The following KIF27 variants were observed in gnomAD, a reference collection of about 807,000 sequenced individuals.
KIF27 encodes the protein kinesin-like protein KIF27.
Under a neutral mutation model 141.8 loss-of-function variants are expected in KIF27, and 84 were observed. The observed-to-expected ratio is 0.59, with a 90% CI of 0.50 to 0.71. The LOEUF (loss-of-function observed/expected upper bound fraction) is 0.71, where lower values mean the gene tolerates loss of function less well. KIF27 is among the 30% of genes least tolerant of loss of function. KIF27 has a pLI of 0.00. For missense variants in KIF27, 1,306 were observed against 1,628.4 expected (o/e 0.80, Z 3.41); for synonymous variants, 471 against 569.5 (o/e 0.83, Z 2.46).
intron 3 of KIF27, among the ~76,000 whole-genome samples, chr9:83,906,898 T>A (rs1954606094): frequency 6.6e-6 from 1 of 152,006 alleles, no homozygotes; most frequent in African/African-American, 2.4e-5. Context: ...GTCATAAGTA[T>A]GAAAAATATT....
intron 5 of KIF27, among the ~76,000 whole-genome samples, chr9:83,894,669 T>C (rs1259224362): frequency 2.6e-5 from 4 of 152,208 alleles, no homozygotes; most frequent in Admixed American, 1.3e-4. Context: ...CACAACTCAT[T>C]GCTGGGGGAT....
chr9:83,862,995 A>C lies in KIF27; in HGVS notation c.2935-3624T>G, dbSNP rs545503075. ...TCTGTTTGTCTGTTATTGGTGTATA[A>C]AAATGCTTGTGATTTTTGCACACTG... On this transcript the variant is annotated intron_variant, in intron 13 of 17. Transcript: ENST00000297814. Among the ~76,000 whole-genome samples the C allele has an allele frequency of 3.3e-5, 5 of 152,224 alleles. No individual in the cohort carries two copies. In the South Asian group the frequency reaches 1.0e-3, roughly 32 times the overall value.
chr9:83,848,873 G>A (rs1277865075), intron 16 of KIF27: 1 of 152,024 alleles, frequency 6.6e-6, no homozygotes, highest in Non-Finnish European at 1.5e-5. Flanking sequence ...GAGTGCAGTG[G>A]TGTGACCACA....
chr9:83,904,497 T>C (rs1268560138), intron 3 of KIF27, among the ~76,000 whole-genome samples: 4 of 152,024 alleles, frequency 2.6e-5, no homozygotes, highest in African/African-American at 7.3e-5. Flanking sequence ...GCCTCCCGAG[T>C]AGTTGGGATT....
intron 13 of KIF27, among the ~76,000 whole-genome samples, chr9:83,862,397 T>G (rs934759003): frequency 6.6e-6 from 1 of 152,258 alleles, no homozygotes; most frequent in African/African-American, 2.4e-5. Context: ...TACATATGGC[T>G]AGCCAGTTTT....
rs748136129 is a variant in KIF27 at position 83,867,873 on chromosome 9, TA to T, written c.2758-14del. 440 of 1,553,294 alleles carry T rather than the reference TA, an allele frequency of 2.8e-4. 1 individual carries two copies. Among genetic ancestry groups the T allele is most frequent in the Non-Finnish European group, 2.7e-4 (314 of 1,156,136 alleles). On this transcript the variant is annotated splice_polypyrimidine_tract_variant and intron_variant, in intron 12 of 17. Transcript: ENST00000297814. The stretch of plus-strand genomic sequence containing the variant: ...GCTCATCCAATTTCTACATTAAAAT[TA>T]AAAAAAAAGTTACTTGTTTTTCCTT...
At chr9:83,888,319 A>G (rs1250281601) in intron 8 of KIF27, among the ~76,000 whole-genome samples, 170 bp downstream of exon 8, 2 of 152,154 alleles carry the variant, frequency 1.3e-5, no homozygotes, top group Non-Finnish European at 2.9e-5. Context: ...GGAGTAAAAG[A>G]GTAAAAGAGG....
intron 1 of KIF27, among the ~76,000 whole-genome samples, chr9:83,917,514 T>C (rs1036468693): frequency 1.3e-5 from 2 of 152,032 alleles, no homozygotes; most frequent in Non-Finnish European, 1.5e-5. Flanking sequence ...AAAACAATAT[T>C]GAAAAAGAAC....
intron 12 of KIF27, 85 bp from the exon 13 acceptor site, chr9:83,867,945 A>C: frequency 2.3e-6 from 3 of 1,297,774 alleles, no homozygotes; most frequent in Non-Finnish European, 3.1e-6. Context: ...AGATTGGCTG[A>C]AATCTCTTAA....
At chr9:83,857,973 T>TG (rs1949442719) in intron 14 of KIF27, among the ~76,000 whole-genome samples, 1 of 151,360 alleles carries the variant, frequency 6.6e-6, no homozygotes, top group Non-Finnish European at 1.5e-5. Flanking sequence ...TGGGTTTTTT[T>TG]TTTTTTTTTT....
chr9:83,904,079 A>G, intron 3 of KIF27, 61 bp from the exon 4 acceptor site: 3 of 1,339,080 alleles, frequency 2.2e-6, no homozygotes, highest in Non-Finnish European at 3.1e-6. Context: ...TATAGTTAAC[A>G]GTTACCATTT....
chr9:83,869,202 T>C (rs1039287972), intron 12 of KIF27, among the ~76,000 whole-genome samples: 13 of 152,072 alleles, frequency 8.5e-5, no homozygotes, highest in Admixed American at 2.6e-4. Context: ...TAATGTAAAA[T>C]TTATGAAGAG....
At position 83,867,816 on chromosome 9, in the gene KIF27, T is replaced by C; in HGVS notation, c.2802A>G (p.Lys934=). Residue 934 remains lysine (K), a synonymous_variant, in exon 13 of 18, where the codon AAA becomes AAG. Coordinates refer to ENST00000297814, the MANE Select transcript of KIF27 (RefSeq NM_017576.4). ...QKKWLDEEVE[K]VLNQRQELEE... is the part of the protein sequence containing the mutation. ...CTAATTCTTGGCGTTGGTTCAGAAC[T>C]TTCTCTACTTCTTCATCTAACCATT... 1 of 1,610,294 alleles carries C rather than the reference T, an allele frequency of 6.2e-7. No homozygotes were observed. The highest frequency in any genetic ancestry group is 8.5e-7 in the Non-Finnish European group (1 of 1,178,502).
At chr9:83,901,851 G>A (rs1475833539) in intron 4 of KIF27, among the ~76,000 whole-genome samples, 2 of 151,772 alleles carry the variant, frequency 1.3e-5, no homozygotes, top group Admixed American at 6.6e-5. Flanking sequence ...CCAGCCTGGC[G>A]AGAGAGCAAG....
Position 83,908,489 on chromosome 9 carries a change from C to T in KIF27, c.462G>A (p.Lys154=), listed in dbSNP as rs1954801146. 7 of 1,612,196 alleles carry T rather than the reference C, an allele frequency of 4.3e-6. No individual in the cohort carries two copies. Among genetic ancestry groups the T allele is most frequent in the Non-Finnish European group, 5.9e-6 (7 of 1,179,080 alleles). ...TTTCATCTTCTCGGATGTGAAGATC[C>T]TTCATGGATGTCTCCAATTCTAGAA... ...RDLLELETSM[K]DLHIREDEKG... is the part of the protein sequence containing the mutation. Residue 154 remains lysine (K), a synonymous_variant, in exon 3 of 18, where the codon AAG becomes AAA. Coordinates refer to ENST00000297814, the MANE Select transcript of KIF27 (RefSeq NM_017576.4).
intron 3 of KIF27, 103 bp from the exon 4 acceptor site, chr9:83,904,121 T>C (rs1220358977): frequency 2.6e-6 from 2 of 756,204 alleles, no homozygotes; most frequent in African/African-American, 3.5e-5. Flanking sequence ...AGTCCCTTTT[T>C]TAAAAAGTCA....
At chr9:83,899,992 A>G (rs1476384770) in intron 4 of KIF27, among the ~76,000 whole-genome samples, 188 bp from the exon 5 acceptor site, 1 of 152,194 alleles carries the variant, frequency 6.6e-6, no homozygotes, top group Non-Finnish European at 1.5e-5. Flanking sequence ...CATTGCTATA[A>G]CACAGGAATT....
intron 11 of KIF27, among the ~76,000 whole-genome samples, chr9:83,876,649 C>G (rs901951740): frequency 6.6e-6 from 1 of 152,132 alleles, no homozygotes; most frequent in Admixed American, 6.5e-5. Flanking sequence ...GACTTACTTC[C>G]CAATTTCAAG....
At chr9:83,870,063 T>C (rs1950642721) in intron 12 of KIF27, among the ~76,000 whole-genome samples, 1 of 152,154 alleles carries the variant, frequency 6.6e-6, no homozygotes, top group South Asian at 2.1e-4. Flanking sequence ...AAACAAATAC[T>C]AGAAATTTTG....
Sources: allele counts gnomAD v4.1 joint callset (sites outside exome capture counted in the v4.1 genomes callset), GRCh38; gene constraint gnomAD v4.1.1; transcripts MANE v1.5; gene names NCBI Gene and HGNC (gene_info 2026-07-23, HGNC 2026-07-21).